LRP1B: variants seen among roughly 807,000 people sequenced by gnomAD.
LRP1B encodes low-density lipoprotein receptor-related protein 1B.
LRP1B carries 217 observed loss-of-function variants against 556.6 expected under a neutral mutation model. The ratio of observed to expected loss-of-function variants is 0.39; its 90% CI spans 0.35 to 0.44. LRP1B has a LOEUF of 0.44. LRP1B is among the 20% of genes least tolerant of loss of function. The pLI is 1.00. For synonymous variants in LRP1B, 2,047 were observed against 1,865.8 expected (o/e 1.10, Z -2.50); for missense variants, 5,053 against 5,620.8 (o/e 0.90, Z 3.23).
chr2:141,037,303 C>T (rs1450156537), intron 11 of LRP1B, among the ~76,000 whole-genome samples: 1 of 152,020 alleles, frequency 6.6e-6, no homozygotes, highest in Non-Finnish European at 1.5e-5. Context: ...AAATCCTTCA[C>T]ACTAATAAAC....
In LRP1B at chr2:140,568,436, G is replaced by C. The variant is rs534675758; in HGVS notation, c.7195-26465C>G. On this transcript the variant is annotated intron_variant, in intron 43 of 90. Transcript: ENST00000389484. ...TAGATTACTTATAATTATTCTGTCAGAGAAAGAAGAAATAATGAAAAAAAG... is the reference window on the plus strand; with the variant it reads ...TAGATTACTTATAATTATTCTGTCACAGAAAGAAGAAATAATGAAAAAAAG... Among the ~76,000 whole-genome samples, 3 of 151,894 alleles carry C rather than the reference G, an allele frequency of 2.0e-5. No individual in the cohort carries two copies. In the South Asian group the frequency reaches 6.2e-4, roughly 32 times the overall value.
chr2:141,742,278 G>A (rs1201513496), intron 2 of LRP1B, among the ~76,000 whole-genome samples: 1 of 141,152 alleles, frequency 7.1e-6, no homozygotes, highest in Non-Finnish European at 1.5e-5. Context: ...TTGAGAAGGA[G>A]TCTTGCTCTG....
chr2:141,815,293 G>A (rs1449679425), intron 1 of LRP1B, among the ~76,000 whole-genome samples: 3 of 152,198 alleles, frequency 2.0e-5, no homozygotes, highest in African/African-American at 4.8e-5. Flanking sequence ...TCAAGGAACT[G>A]AGAAGCAGGA....
chr2:141,374,321 T>C (rs1689347656), intron 3 of LRP1B, among the ~76,000 whole-genome samples: 1 of 152,206 alleles, frequency 6.6e-6, no homozygotes, highest in Non-Finnish European at 1.5e-5. Context: ...TCTTTCACTT[T>C]AACTTTTGAC....
chr2:140,600,738 T>G (rs926856164), intron 42 of LRP1B, among the ~76,000 whole-genome samples: 2 of 149,088 alleles, frequency 1.3e-5, no homozygotes, highest in Non-Finnish European at 3.0e-5. Context: ...GGTATTTTTT[T>G]GTTCCTTACC....
At chr2:140,722,378 G>C (rs1007665621) in intron 35 of LRP1B, among the ~76,000 whole-genome samples, 2 of 152,120 alleles carry the variant, frequency 1.3e-5, no homozygotes, top group African/African-American at 4.8e-5. Context: ...ATATATGAGT[G>C]ATACCTTTAG....
intron 1 of LRP1B, among the ~76,000 whole-genome samples, chr2:141,937,342 G>C (rs1574508735): frequency 6.6e-6 from 1 of 151,568 alleles, no homozygotes; most frequent in Non-Finnish European, 1.5e-5. Flanking sequence ...CCGAGATCGC[G>C]CCACTGCACT....
At chr2:140,237,048 AT>A in intron 89 of LRP1B, among the ~76,000 whole-genome samples, 1 of 150,912 alleles carries the variant, frequency 6.6e-6, no homozygotes, top group East Asian at 2.0e-4. Flanking sequence ...TTTTCTAGCT[AT>A]TTTTAAATAT....
chr2:141,296,133 T>TA (rs963803525), intron 3 of LRP1B, among the ~76,000 whole-genome samples: 14 of 152,152 alleles, frequency 9.2e-5, no homozygotes, highest in African/African-American at 3.1e-4. Context: ...TCTATGGTCA[T>TA]AAAAAAATCA....
At chr2:140,783,299 C>T (rs1428389275) in intron 32 of LRP1B, among the ~76,000 whole-genome samples, 1 of 151,946 alleles carries the variant, frequency 6.6e-6, no homozygotes, top group Non-Finnish European at 1.5e-5. Flanking sequence ...ATCAGCCCTT[C>T]ATGTCTAAAA....
At chr2:140,722,230 T>C (rs1415941235) in intron 35 of LRP1B, among the ~76,000 whole-genome samples, 2 of 152,210 alleles carry the variant, frequency 1.3e-5, no homozygotes, top group African/African-American at 4.8e-5. Context: ...AAATTATTTA[T>C]CCATTTTGAA....
intron 2 of LRP1B, among the ~76,000 whole-genome samples, chr2:141,799,230 CTG>C (rs1695923530): frequency 6.6e-6 from 1 of 152,108 alleles, no homozygotes; most frequent in African/African-American, 2.4e-5. Context: ...TGGGTAGAAG[CTG>C]TGAGCATAAT....
chr2:140,424,124 A>C (rs1685561301), intron 66 of LRP1B, among the ~76,000 whole-genome samples: 1 of 152,162 alleles, frequency 6.6e-6, no homozygotes, highest in African/African-American at 2.4e-5. Context: ...CTAGGACCTG[A>C]ATTTTAAAAT....
At chr2:140,329,808 G>A (rs1680700149) in intron 79 of LRP1B, among the ~76,000 whole-genome samples, 1 of 151,458 alleles carries the variant, frequency 6.6e-6, no homozygotes, top group Admixed American at 6.6e-5. Flanking sequence ...TGTGAAAATG[G>A]CCATACTACC....
At chr2:140,286,918 T>A (rs1280395396) in intron 84 of LRP1B, among the ~76,000 whole-genome samples, 1 of 151,762 alleles carries the variant, frequency 6.6e-6, no homozygotes, top group African/African-American at 2.4e-5. Context: ...AACTTACAAT[T>A]TTAGGAAATA....
At chr2:141,875,818 T>A (rs887000350) in intron 1 of LRP1B, among the ~76,000 whole-genome samples, 3 of 151,958 alleles carry the variant, frequency 2.0e-5, no homozygotes, top group Non-Finnish European at 4.4e-5. Flanking sequence ...AATATGTATA[T>A]GTGTATGTAT....
At chr2:140,779,375 A>G (rs1382588255) in intron 32 of LRP1B, among the ~76,000 whole-genome samples, 4 of 152,148 alleles carry the variant, frequency 2.6e-5, no homozygotes, top group African/African-American at 9.7e-5. Flanking sequence ...CAATCTAGGT[A>G]GAACTCTGTA....
intron 87 of LRP1B, among the ~76,000 whole-genome samples, chr2:140,244,530 A>G (rs1237822724): frequency 6.6e-6 from 1 of 151,320 alleles, no homozygotes; most frequent in Non-Finnish European, 1.5e-5. Context: ...TGAATATTTT[A>G]TTATGCTGAG....
intron 7 of LRP1B, among the ~76,000 whole-genome samples, chr2:141,151,029 T>C (rs758105795): frequency 3.3e-5 from 5 of 152,140 alleles, no homozygotes; most frequent in East Asian, 3.8e-4. Context: ...AGTAGAGATA[T>C]AGTGGTAAAG....
Sources: gnomAD v4.1 joint callset for allele counts (sites outside exome capture counted in the v4.1 genomes callset) on GRCh38, gnomAD v4.1.1 for gene constraint, MANE v1.5 for transcripts, NCBI Gene and HGNC (gene_info 2026-07-23, HGNC 2026-07-21) for gene names.